Variants in PNLIPRP3 observed in about 807,000 individuals in gnomAD.
The protein encoded by PNLIPRP3 is pancreatic lipase related protein 3, also known as pancreatic lipase-related protein 3.
Under a neutral mutation model 52.8 loss-of-function variants are expected in PNLIPRP3, and 58 were observed. The ratio of observed to expected loss-of-function variants is 1.10; its 90% CI spans 0.89 to 1.37. The LOEUF is 1.37. Among genes scored for constraint, PNLIPRP3 ranks in the 40% most tolerant of loss-of-function variants. The pLI is 0.00. For missense variants in PNLIPRP3, 593 were observed against 561.6 expected (o/e 1.06, Z -0.57); for synonymous variants, 192 against 185.0 (o/e 1.04, Z -0.31).
At chr10:116,473,571 G>T (rs970773534) in intron 10 of PNLIPRP3, among the ~76,000 whole-genome samples, 3 of 151,916 alleles carry the variant, frequency 2.0e-5, no homozygotes, top group African/African-American at 7.3e-5. Context: ...ACCCAGGCTG[G>T]AGTGTAGTGG....
chr10:116,461,857 C>T (rs1251236260), intron 7 of PNLIPRP3, among the ~76,000 whole-genome samples: 1 of 152,086 alleles, frequency 6.6e-6, no homozygotes, highest in African/African-American at 2.4e-5. Flanking sequence ...AGAGGCATTC[C>T]AGGCCAACAG....
rs761008199 is a variant in PNLIPRP3 at position 116,443,187 on chromosome 10, T to A, written c.324+13T>A. On this transcript the variant is annotated intron_variant, in intron 3 of 11. Coordinates refer to ENST00000369230, the MANE Select transcript of PNLIPRP3 (RefSeq NM_001011709.3). ...AGACATGTGCAATGTATGACATGAA[T>A]AAGCTCCTTTTTACACTAGCATGCG... The A allele has an allele frequency of 1.2e-6, 2 of 1,603,580 alleles. No homozygotes were observed. The highest frequency in any genetic ancestry group is 1.7e-6 in the Non-Finnish European group (2 of 1,174,198).
chr10:116,477,237 G>T lies in PNLIPRP3; in HGVS notation c.*84G>T. The T allele has an allele frequency of 2.6e-6, 3 of 1,162,458 alleles. No homozygotes were observed. Among genetic ancestry groups the T allele is most frequent in the East Asian group, 4.8e-5 (2 of 41,806 alleles). The allele number at this position is 1,162,458 out of a possible 1,614,324, so 72.0% of individuals were successfully genotyped here. A position where few individuals can be genotyped will look rare whatever the true frequency, so the allele number is the denominator to read the frequency against. ...TCCACCTGGCATCCAGACCAAATTT[G>T]ACCCTTGTAAATGACTTAGTCATTT... On this transcript the variant is annotated 3_prime_UTR_variant, in exon 12 of 12. Coordinates refer to ENST00000369230, the MANE Select transcript of PNLIPRP3 (RefSeq NM_001011709.3).
In PNLIPRP3 at chr10:116,472,889, T is replaced by G. The variant is rs181487265; in HGVS notation, c.1172+1010T>G. 2.6e-5 allele frequency among the ~76,000 whole-genome samples: 4 copies of G among 152,356 alleles called. No individual in the cohort carries two copies. In the East Asian group the frequency reaches 7.7e-4, roughly 29 times the overall value. On this transcript the variant is annotated intron_variant, in intron 10 of 11. Transcript: ENST00000369230. ...CATGCTGTTTCTTTGCTGCAGATAC[T>G]TTTTCCTGTCTGCTATTTTGTTTCT...
Position 116,477,183 on chromosome 10 carries a change from A to T in PNLIPRP3, c.*30A>T. 6.5e-7 allele frequency: 1 copy of T among 1,538,206 alleles called. No individual in the cohort carries two copies. On this transcript the variant is annotated 3_prime_UTR_variant, in exon 12 of 12. Coordinates refer to ENST00000369230, the MANE Select transcript of PNLIPRP3 (RefSeq NM_001011709.3). The stretch of plus-strand genomic sequence containing the variant: ...AGATACAGTCTTGATGGATTTCTTT[A>T]GTAGGAGCAATGAAGAAAAGTGTCT...
chr10:116,463,320 G>C (rs10749215), intron 7 of PNLIPRP3, among the ~76,000 whole-genome samples: 1 of 151,944 alleles, frequency 6.6e-6, no homozygotes, highest in Non-Finnish European at 1.5e-5. Flanking sequence ...ACTGCATCCA[G>C]TTGGGGGCTG....
At chr10:116,468,284 C>A (rs1846312759) in intron 8 of PNLIPRP3, among the ~76,000 whole-genome samples, 2 of 152,070 alleles carry the variant, frequency 1.3e-5, no homozygotes, top group Admixed American at 1.3e-4. Flanking sequence ...ATTACCAAAT[C>A]ACTGTTTAAA....
rs544017994 is a variant in PNLIPRP3, at chr10:116,436,562, C to T, written c.50-149C>T. The T allele has an allele frequency of 3.3e-4, 252 of 764,850 alleles. 2 individuals are homozygous for T. In the Middle Eastern group the frequency reaches 0.01, roughly 31 times the overall value. 47.4% of individuals were successfully genotyped at this position (764,850 alleles called of 1,614,324 possible). ...ACTAGTCAACAAAATGAAAAGGCAA[C>T]CCTATAGAATAGGAGAAAATATTTT... is the stretch of plus-strand genomic sequence containing the variant. On this transcript the variant is annotated intron_variant, in intron 1 of 11. Coordinates refer to ENST00000369230, the MANE Select transcript of PNLIPRP3 (RefSeq NM_001011709.3).
At chr10:116,446,538 A>T (rs559304160) in intron 4 of PNLIPRP3, among the ~76,000 whole-genome samples, 2 of 152,288 alleles carry the variant, frequency 1.3e-5, no homozygotes, top group East Asian at 3.9e-4. Context: ...AAATGTATGC[A>T]AGTATAAATC....
At chr10:116,435,778 C>G (rs1845765723) in intron 1 of PNLIPRP3, among the ~76,000 whole-genome samples, 1 of 152,144 alleles carries the variant, frequency 6.6e-6, no homozygotes, top group African/African-American at 2.4e-5. Flanking sequence ...TAGTTATTTG[C>G]TTTTTGCTAT....
chr10:116,471,064 G>A (rs2217632), intron 9 of PNLIPRP3, among the ~76,000 whole-genome samples: 20,986 of 152,120 alleles, frequency 0.14, 2,317 homozygotes, highest in African/African-American at 0.3. Context: ...TTCCTCTCTG[G>A]TAGGTTTCTT....
At position 116,476,819 on chromosome 10, in the gene PNLIPRP3, A is replaced by G; in HGVS notation, c.1340A>G (p.Lys447Arg). The change falls in exon 11 of 12, where the codon AAA becomes AGA. Residue 447 changes from lysine to arginine, a missense_variant and splice_region_variant. Physicochemically the swap from Lys to Arg is conservative, Grantham distance 26. Coordinates refer to ENST00000369230, the MANE Select transcript of PNLIPRP3 (RefSeq NM_001011709.3). ...AATACATCTGGGAAATATGGATATA[A>G]GTAAGTATTGCTTTTTCCTTTTCAT... The part of the protein sequence containing the change: ...VINTSGKYGY[K>R]STFCSQDIMG... 1.3e-6 allele frequency: 2 copies of G among 1,585,048 alleles called. No individual in the cohort carries two copies. Among genetic ancestry groups the G allele is most frequent in the South Asian group, 2.3e-5 (2 of 85,634 alleles).
At chr10:116,444,158 GA>G (rs1326470560) in intron 3 of PNLIPRP3, among the ~76,000 whole-genome samples, 2 of 151,894 alleles carry the variant, frequency 1.3e-5, no homozygotes, top group South Asian at 4.2e-4. Flanking sequence ...CGGCACGGGG[GA>G]AACCACCCCC....
intron 10 of PNLIPRP3, among the ~76,000 whole-genome samples, chr10:116,473,657 G>A (rs1040922938): frequency 6.6e-6 from 1 of 152,062 alleles, no homozygotes; most frequent in Non-Finnish European, 1.5e-5. Context: ...GGGTAACTGA[G>A]ATTACAGGTG....
At chr10:116,450,789 G>A (rs570160118) in intron 4 of PNLIPRP3, among the ~76,000 whole-genome samples, 14 of 152,134 alleles carry the variant, frequency 9.2e-5, no homozygotes, top group Middle Eastern at 3.4e-3. Flanking sequence ...CTGTATTAAA[G>A]AAGACACAAA....
chr10:116,467,639 T>A (rs566192868), intron 8 of PNLIPRP3, among the ~76,000 whole-genome samples: 1 of 152,302 alleles, frequency 6.6e-6, no homozygotes, highest in Non-Finnish European at 1.5e-5. Flanking sequence ...GAGTTGAATT[T>A]GATATGTATC....
chr10:116,454,016 C>T (rs1023294341), intron 4 of PNLIPRP3, among the ~76,000 whole-genome samples: 9 of 151,970 alleles, frequency 5.9e-5, no homozygotes, highest in East Asian at 5.8e-4. Flanking sequence ...CTCCCACTTA[C>T]GAGTGAGAAC....
chr10:116,477,019 G>T, intron 11 of PNLIPRP3, 71 bp from the exon 12 acceptor site: 2 of 1,317,076 alleles, frequency 1.5e-6, no homozygotes, highest in Non-Finnish European at 1.1e-6. Flanking sequence ...TTAAATCGGG[G>T]GATCTACCGT....
At chr10:116,449,744 C>A (rs536106960) in intron 4 of PNLIPRP3, among the ~76,000 whole-genome samples, 3 of 152,140 alleles carry the variant, frequency 2.0e-5, no homozygotes, top group South Asian at 2.1e-4. Flanking sequence ...CACTATAGAC[C>A]AAATGGACCT....
Sources: gnomAD v4.1 joint callset for allele counts (sites outside exome capture counted in the v4.1 genomes callset) on GRCh38, gnomAD v4.1.1 for gene constraint, MANE v1.5 for transcripts, NCBI Gene and HGNC (gene_info 2026-07-23, HGNC 2026-07-21) for gene names.